Variants in B3GALNT2 observed in about 807,000 individuals in gnomAD.
The protein encoded by B3GALNT2 is UDP-GalNAc:beta-1,3-N-acetylgalactosaminyltransferase 2.
Under a neutral mutation model 61.1 loss-of-function variants are expected in B3GALNT2, and 53 were observed. The observed-to-expected ratio is 0.87, with a 90% CI of 0.70 to 1.09. The LOEUF (loss-of-function observed/expected upper bound fraction) is 1.09. Ranked by LOEUF, B3GALNT2 falls within the 50% of genes least tolerant of loss-of-function variation. The probability of loss-of-function intolerance (pLI) is 0.00; values close to 1 mark genes in which losing one functional copy is unlikely to be tolerated. For missense variants in B3GALNT2, 544 were observed against 623.0 expected, an observed-to-expected ratio of 0.87 and a Z score of 1.35; for synonymous variants, 223 against 237.4, an observed-to-expected ratio of 0.94 and a Z score of 0.56.
chr1:235,442,188 G>A, the B3GALNT2 span, among the ~76,000 whole-genome samples: 3 of 151,454 alleles, frequency 2.0e-5, no homozygotes, highest in African/African-American at 2.4e-5. Context: ...TTTTTTAATC[G>A]AGACGGAGTT....
chr1:235,465,532 A>C, intron 7 of B3GALNT2, 104 bp downstream of exon 7: 1 of 1,494,574 alleles, frequency 6.7e-7, no homozygotes, highest in Non-Finnish European at 9.0e-7. Context: ...TTATCTGAAT[A>C]AAGTTTTTTA....
At position 235,447,698 on chromosome 1, in the gene B3GALNT2, G is replaced by T. The variant is rs1196242049; in HGVS notation, c.*2508C>A. On this transcript the variant is annotated 3_prime_UTR_variant, in exon 12 of 12. Transcript: ENST00000366600. ...GGAAGTCATCATAAAGGTTTAAAAA[G>T]AAAACGTTAATGACTCGCTCCCTTT... Among the ~76,000 whole-genome samples the T allele has an allele frequency of 6.6e-6, 1 of 152,152 alleles. No homozygotes were observed. The highest frequency in any genetic ancestry group is 2.4e-5 in the African/African-American group (1 of 41,440).
intron 3 of B3GALNT2, among the ~76,000 whole-genome samples, chr1:235,484,850 G>A (rs577388501): frequency 6.6e-6 from 1 of 152,280 alleles, no homozygotes; most frequent in African/African-American, 2.4e-5. Flanking sequence ...GGAAGGGTTG[G>A]ATAAATAGAA....
chr1:235,484,421 G>A lies in B3GALNT2; in HGVS notation c.456C>T (p.Leu152=). 6.2e-7 allele frequency: 1 copy of A among 1,614,216 alleles called. No homozygotes were observed. The highest frequency in any genetic ancestry group is 8.5e-7 in the Non-Finnish European group (1 of 1,180,036). The change falls in exon 4 of 12, where the codon CTC becomes CTT. Residue 152 remains leucine, a synonymous_variant. Transcript: ENST00000366600. ...CAAGACTGGTAATAACGATGGGGTA[G>A]AGAACTCGGAAACTCACGCTGACAA... ...DRVVSVSFRV[L]YPIVITSLGV...
chr1:235,490,782 T>C (rs1685025830), intron 2 of B3GALNT2, among the ~76,000 whole-genome samples: 1 of 152,048 alleles, frequency 6.6e-6, no homozygotes, highest in African/African-American at 2.4e-5. Flanking sequence ...AATGTTTTAC[T>C]ACATTTTACT....
rs186242198 is a variant in B3GALNT2 at position 235,494,877 on chromosome 1, T to C, written c.113-49A>G. ...GAAATAAGTCATGTATCAATTACTA[T>C]GAAGTTCAATATGTATCATAAGTTT... On this transcript the variant is annotated intron_variant, in intron 1 of 11. Transcript: ENST00000366600. 8.9e-6 allele frequency: 13 copies of C among 1,465,802 alleles called. No individual in the cohort carries two copies. The East Asian group carries it at 2.8e-4, about 32-fold the overall frequency. 90.8% of individuals were successfully genotyped at this position (1,465,802 alleles called of 1,614,324 possible). A position where few individuals can be genotyped will look rare whatever the true frequency, so the allele number is the denominator to read the frequency against.
At chr1:235,500,038 G>T (rs556097830) in intron 1 of B3GALNT2, among the ~76,000 whole-genome samples, 14 of 152,330 alleles carry the variant, frequency 9.2e-5, no homozygotes, top group African/African-American at 3.4e-4. Context: ...GACAGCAGCA[G>T]CAGGTCAGAG....
intron 7 of B3GALNT2, among the ~76,000 whole-genome samples, chr1:235,460,578 GT>G (rs766922910): frequency 6.9e-4 from 97 of 141,246 alleles, no homozygotes; most frequent in Admixed American, 7.8e-4. Context: ...TATTTCCTTT[GT>G]TTTTTTTTTT....
chr1:235,455,231 C>G (rs1387475254), intron 9 of B3GALNT2, among the ~76,000 whole-genome samples: 1 of 152,088 alleles, frequency 6.6e-6, no homozygotes, highest in African/African-American at 2.4e-5. Flanking sequence ...AAGCAGTCTC[C>G]CTGCCTCAGC....
chr1:235,452,414 T>C (rs915334160), intron 11 of B3GALNT2: 3 of 152,186 alleles, frequency 2.0e-5, no homozygotes, highest in African/African-American at 7.2e-5. Context: ...TAGTGGATTA[T>C]TGTGAATTAA....
intron 2 of B3GALNT2, 78 bp from the exon 3 acceptor site, chr1:235,489,346 G>C: frequency 6.4e-7 from 1 of 1,572,846 alleles, no homozygotes; most frequent in Non-Finnish European, 8.6e-7. Context: ...CCATTTCAGA[G>C]CTTTTACTTT....
intron 6 of B3GALNT2, among the ~76,000 whole-genome samples, chr1:235,470,293 A>G (rs917372927): frequency 6.6e-6 from 1 of 152,144 alleles, no homozygotes; most frequent in African/African-American, 2.4e-5. Context: ...TGCTAACTTA[A>G]AAATTACTGA....
intron 8 of B3GALNT2, among the ~76,000 whole-genome samples, chr1:235,457,511 G>A (rs570733377): frequency 4.6e-5 from 7 of 152,126 alleles, no homozygotes; most frequent in South Asian, 2.1e-4. Flanking sequence ...TATATAATAT[G>A]TATGTTACTA....
At chr1:235,446,036 T>C (rs1169915919), downstream of B3GALNT2, among the ~76,000 whole-genome samples, 1 of 152,178 alleles carries the variant, frequency 6.6e-6, no homozygotes, top group Non-Finnish European at 1.5e-5. Flanking sequence ...ACTCGCCGCT[T>C]TCCAGGTGCT....
chr1:235,489,178 G>A lies in B3GALNT2; in HGVS notation c.351C>T (p.Ile117=). The A allele has an allele frequency of 6.2e-7, 1 of 1,613,654 alleles. No individual in the cohort carries two copies. Among genetic ancestry groups the A allele is most frequent in the Non-Finnish European group, 8.5e-7 (1 of 1,179,818 alleles). Residue 117 remains isoleucine (I), a synonymous_variant, in exon 3 of 12, where the codon ATC becomes ATT. Transcript: ENST00000366600. The part of the protein sequence containing the change: ...EDPYSCKLLN[I]TNPVLNQEIE... The stretch of plus-strand genomic sequence containing the variant: ...GAAAAGATGACTTACCTGGATTTGT[G>A]ATGTTGAGTAGTTTACAGGAATAAG...
intron 2 of B3GALNT2, among the ~76,000 whole-genome samples, chr1:235,491,373 G>A (rs1685059480): frequency 1.3e-5 from 2 of 152,090 alleles, no homozygotes; most frequent in South Asian, 4.1e-4. Flanking sequence ...TATTGTATAG[G>A]TTATTATCTG....
chr1:235,496,333 T>C, intron 1 of B3GALNT2: 2 of 1,032,072 alleles, frequency 1.9e-6, no homozygotes, highest in Non-Finnish European at 2.4e-6. Context: ...AAAGTTCCAT[T>C]CCAAATGGAA....
At chr1:235,442,233 C>T (rs530215744), downstream of B3GALNT2, among the ~76,000 whole-genome samples, 4 of 152,072 alleles carry the variant, frequency 2.6e-5, no homozygotes, top group African/African-American at 9.6e-5. Flanking sequence ...TGCAGTGGCA[C>T]GATCTTGGCT....
chr1:235,439,830 C>A, the B3GALNT2 span, among the ~76,000 whole-genome samples: 1 of 151,784 alleles, frequency 6.6e-6, no homozygotes, highest in African/African-American at 2.4e-5. Flanking sequence ...GAGACAGAGT[C>A]TTGCTCTGTC....
Sources: gnomAD v4.1 joint callset for allele counts (sites outside exome capture counted in the v4.1 genomes callset) on GRCh38, gnomAD v4.1.1 for gene constraint, MANE v1.5 for transcripts, NCBI Gene and HGNC (gene_info 2026-07-23, HGNC 2026-07-21) for gene names.